UBR2: variants seen among roughly 807,000 people sequenced by gnomAD.
UBR2 encodes ubiquitin protein ligase E3 component n-recognin 2.
UBR2 carries 92 observed loss-of-function variants against 247.9 expected under a neutral mutation model. That is an observed-to-expected ratio of 0.37 (90% CI 0.31 to 0.44). The LOEUF (loss-of-function observed/expected upper bound fraction) is 0.44. Ranked by LOEUF, UBR2 falls within the 20% of genes least tolerant of loss-of-function variation. The probability of loss-of-function intolerance (pLI) is 1.00; values close to 1 mark genes in which losing one functional copy is unlikely to be tolerated. For missense variants in UBR2, 1,613 were observed against 2,112.6 expected, an observed-to-expected ratio of 0.76 and a Z score of 4.64; for synonymous variants, 672 against 693.5, an observed-to-expected ratio of 0.97 and a Z score of 0.49.
intron 11 of UBR2, among the ~76,000 whole-genome samples, chr6:42,630,112 C>CAGTAGT (rs1228919372): frequency 6.7e-6 from 1 of 149,824 alleles, no homozygotes; most frequent in Non-Finnish European, 1.5e-5. Flanking sequence ...GTAGTAGTAG[C>CAGTAGT]AGTAGTAGTA....
intron 4 of UBR2, among the ~76,000 whole-genome samples, chr6:42,595,296 T>C (rs1792897693): frequency 6.6e-6 from 1 of 152,254 alleles, no homozygotes. Flanking sequence ...AGCCAACCTG[T>C]GGCAGTCCCT....
chr6:42,629,696 C>T (rs568268705), intron 11 of UBR2, among the ~76,000 whole-genome samples: 48 of 152,122 alleles, frequency 3.2e-4, no homozygotes, highest in Admixed American at 1.5e-3. Flanking sequence ...GTGTTAAGTA[C>T]AAGAAATATA....
At chr6:42,581,944 C>A (rs1582446720) in intron 2 of UBR2, among the ~76,000 whole-genome samples, 2 of 151,988 alleles carry the variant, frequency 1.3e-5, no homozygotes, top group South Asian at 2.1e-4. Context: ...TTTTATATAC[C>A]AAATAACATA....
chr6:42,663,053 G>A (rs529452840), intron 31 of UBR2, among the ~76,000 whole-genome samples: 24 of 141,056 alleles, frequency 1.7e-4, no homozygotes, highest in Admixed American at 6.6e-4. Context: ...TTACATGGCA[G>A]TCTTTTTTTT....
intron 1 of UBR2, among the ~76,000 whole-genome samples, chr6:42,566,516 C>T (rs567211934): frequency 1.3e-5 from 2 of 152,198 alleles, no homozygotes; most frequent in East Asian, 3.9e-4. Context: ...TCCCGAATTA[C>T]AGCTGGGATT....
chr6:42,654,777 A>T (rs1328706534), intron 25 of UBR2, among the ~76,000 whole-genome samples: 2 of 152,212 alleles, frequency 1.3e-5, no homozygotes. Flanking sequence ...AAATAGGTTG[A>T]TACAGTCTCT....
At chr6:42,668,493 G>A (rs1415663106) in intron 34 of UBR2, among the ~76,000 whole-genome samples, 1 of 152,112 alleles carries the variant, frequency 6.6e-6, no homozygotes, top group African/African-American at 2.4e-5. Context: ...AGGCTAGAGT[G>A]CAGTGGCACA....
intron 7 of UBR2, 105 bp from the exon 8 acceptor site, chr6:42,612,066 C>T: frequency 9.3e-7 from 1 of 1,079,156 alleles, no homozygotes; most frequent in Non-Finnish European, 1.2e-6. Context: ...AAAAAGTCTC[C>T]TATGATGATG....
rs142919798 is a variant in UBR2, at chr6:42,636,615, T to C, written c.1675-396T>C. 5.1e-4 allele frequency among the ~76,000 whole-genome samples: 77 copies of C among 152,242 alleles called. 2 individuals are homozygous for C. The East Asian group carries it at 8.3e-3, about 16-fold the overall frequency. On this transcript the variant is annotated intron_variant, in intron 14 of 46. Transcript: ENST00000372901. ...CAATTTACATGTTTTTTAAAATTGC[T>C]CTGTATGGAGAATGGATGAAGGGGG...
rs764207493 is a variant in UBR2 at position 42,670,730 on chromosome 6, T to G, written c.4086+15T>G. The stretch of plus-strand genomic sequence containing the variant: ...CTTGCAGACTGGTAAGTTCTCAGTT[T>G]ATTCAGTTCATGATAGTGGGGCATG... On this transcript the variant is annotated intron_variant, in intron 36 of 46. Transcript: ENST00000372901. 3.6e-5 allele frequency: 57 copies of G among 1,603,096 alleles called. No homozygotes were observed. Among genetic ancestry groups the G allele is most frequent in the Non-Finnish European group, 4.5e-5 (53 of 1,174,274 alleles).
chr6:42,621,103 A>G (rs1201875068), intron 11 of UBR2, among the ~76,000 whole-genome samples: 1 of 152,174 alleles, frequency 6.6e-6, no homozygotes, highest in African/African-American at 2.4e-5. Flanking sequence ...TTGTTTAAAC[A>G]ATCTTTGTGT....
intron 44 of UBR2, among the ~76,000 whole-genome samples, chr6:42,685,080 G>A (rs111480109): frequency 2.0e-4 from 31 of 152,300 alleles, no homozygotes; most frequent in African/African-American, 7.2e-4. Flanking sequence ...TTGGGAGGCC[G>A]AGGTGGGTGG....
chr6:42,640,100 T>A, intron 15 of UBR2, 109 bp from the exon 16 acceptor site: 6 of 801,202 alleles, frequency 7.5e-6, no homozygotes, highest in Middle Eastern at 6.2e-4. Context: ...TTTGATAGGT[T>A]CCCAAAGAGA....
At chr6:42,615,199 T>G in intron 9 of UBR2, 21 bp downstream of exon 9, 1 of 1,591,556 alleles carries the variant, frequency 6.3e-7, no homozygotes, top group Non-Finnish European at 8.6e-7. Context: ...TAACTACTTT[T>G]AAGGTGTAGA....
At chr6:42,683,156 G>A in intron 43 of UBR2, 45 bp downstream of exon 43, 1 of 1,519,150 alleles carries the variant, frequency 6.6e-7, no homozygotes, top group Non-Finnish European at 9.1e-7. Context: ...GGGAGAAAGG[G>A]TGGAATCAGG....
chr6:42,632,936 CTT>C (rs368420871), intron 13 of UBR2, 32 bp downstream of exon 13: 361 of 916,386 alleles, frequency 3.9e-4, no homozygotes, highest in South Asian at 8.8e-4. Context: ...TTTCTTTTTC[CTT>C]TTTTTTTTTT....
At chr6:42,645,897 A>T (rs1430973281) in intron 21 of UBR2, among the ~76,000 whole-genome samples, 1 of 152,182 alleles carries the variant, frequency 6.6e-6, no homozygotes, top group Non-Finnish European at 1.5e-5. Flanking sequence ...GGTCTTTAGT[A>T]CAAAGTTGCT....
rs201644942 is a variant in UBR2, at chr6:42,659,512, A to AAT, written c.3243-136_3243-135dup. Reference sequence around the variant, plus strand: ...AAGACTCTGTCTCAAAAAATAAATAAATATATATACACACACACACACACA... The same window carrying AAT: ...AAGACTCTGTCTCAAAAAATAAATAAATATATATATACACACACACACACACA... On this transcript the variant is annotated intron_variant, in intron 29 of 46. Coordinates refer to ENST00000372901, the MANE Select transcript of UBR2 (RefSeq NM_001363705.2). The surrounding 1 kb of genome is among the most constrained non-coding windows in gnomAD (Gnocchi z 4.3). 8.3e-3 allele frequency: 4,331 copies of AAT among 522,782 alleles called. 124 individuals are homozygous for AAT. The highest frequency in any genetic ancestry group is 0.02 in the Admixed American group (400 of 20,332). The allele number at this position is 522,782 out of a possible 1,614,324, so 32.4% of individuals were successfully genotyped here. A position where few individuals can be genotyped will look rare whatever the true frequency, so the allele number is the denominator to read the frequency against.
intron 7 of UBR2, 101 bp from the exon 8 acceptor site, chr6:42,612,067 TATG>T: frequency 9.2e-7 from 1 of 1,089,604 alleles, no homozygotes; most frequent in Non-Finnish European, 1.2e-6. Context: ...AAAAGTCTCC[TATG>T]ATGATGATAG....
Sources: allele counts gnomAD v4.1 joint callset (sites outside exome capture counted in the v4.1 genomes callset), GRCh38; gene constraint gnomAD v4.1.1; non-coding constraint Gnocchi (gnomAD v3.1); transcripts MANE v1.5; gene names NCBI Gene and HGNC (gene_info 2026-07-23, HGNC 2026-07-21).